The following ASB3 variants were observed in gnomAD, a reference collection of about 807,000 sequenced individuals.
ASB3 encodes ankyrin repeat and SOCS box containing 3.
Under a neutral mutation model 54.5 loss-of-function variants are expected in ASB3, and 41 were observed. The ratio of observed to expected loss-of-function variants is 0.75; its 90% CI spans 0.59 to 0.98. The LOEUF (loss-of-function observed/expected upper bound fraction) is 0.98. Among genes scored for constraint, ASB3 ranks in the 50% least tolerant of loss-of-function variants. The pLI is 0.00. For missense variants in ASB3, 733 were observed against 620.0 expected (o/e 1.18, Z -1.94); for synonymous variants, 266 against 221.2 (o/e 1.20, Z -1.80).
At chr2:53,685,145 C>T (rs1668569944) in intron 9 of ASB3, among the ~76,000 whole-genome samples, 1 of 152,154 alleles carries the variant, frequency 6.6e-6, no homozygotes, top group Non-Finnish European at 1.5e-5. Context: ...CTTTTACATT[C>T]TCTTTTTTAA....
At chr2:53,771,825 C>A in intron 1 of ASB3, 1 of 771,248 alleles carries the variant, frequency 1.3e-6, no homozygotes, top group Non-Finnish European at 2.3e-6. Context: ...TCAAATATTC[C>A]ATGTCAAAAA....
intron 9 of ASB3, 34 bp downstream of exon 9, chr2:53,693,850 T>TACCTA: frequency 6.2e-7 from 1 of 1,602,500 alleles, no homozygotes; most frequent in Non-Finnish European, 8.5e-7. Context: ...GAAGGAAAAG[T>TACCTA]AGTGAAGTGT....
intron 7 of ASB3, among the ~76,000 whole-genome samples, chr2:53,710,275 T>A (rs551329110): frequency 1.3e-5 from 2 of 152,236 alleles, no homozygotes; most frequent in Non-Finnish European, 2.9e-5. Context: ...ATTTACTCTT[T>A]CCTATATCTT....
Position 53,670,292 on chromosome 2 carries a change from ATTTTTTTTTTT to A in ASB3, c.*200_*210del, listed in dbSNP as rs757738523. On this transcript the variant is annotated 3_prime_UTR_variant, in exon 10 of 10. Transcript: ENST00000263634. Reference sequence around the variant, plus strand: ...TAAAGTAATATAAGTGATGTTTACAATTTTTTTTTTTTTTTTTTTTTTTTTTACTGGGAAGG... The same window carrying A: ...TAAAGTAATATAAGTGATGTTTACAATTTTTTTTTTTTTTTACTGGGAAGG... 2.7e-4 allele frequency: 49 copies of A among 178,706 alleles called. No homozygotes were observed. Among genetic ancestry groups the A allele is most frequent in the African/African-American group, 6.3e-4 (21 of 33,078 alleles). 11.1% of individuals were successfully genotyped at this position (178,706 alleles called of 1,614,324 possible).
chr2:53,691,038 G>C (rs912526872), intron 9 of ASB3, among the ~76,000 whole-genome samples: 1 of 152,150 alleles, frequency 6.6e-6, no homozygotes, highest in Non-Finnish European at 1.5e-5. Context: ...TATGTGGTTA[G>C]GCTGATGTTT....
chr2:53,723,522 T>C (rs1371680228), intron 5 of ASB3, among the ~76,000 whole-genome samples: 3 of 152,104 alleles, frequency 2.0e-5, no homozygotes, highest in Admixed American at 1.3e-4. Context: ...GTCATTTTTA[T>C]GCTTCAATGC....
intron 1 of ASB3, among the ~76,000 whole-genome samples, chr2:53,781,484 T>G (rs1320658536): frequency 2.0e-5 from 3 of 151,848 alleles, no homozygotes; most frequent in African/African-American, 4.9e-5. Context: ...TTAACCCCTT[T>G]GAGATTCTTT....
intron 5 of ASB3, among the ~76,000 whole-genome samples, chr2:53,721,638 G>A (rs1343974622): frequency 2.0e-5 from 3 of 151,892 alleles, no homozygotes; most frequent in East Asian, 1.9e-4. Flanking sequence ...AATTATGGCA[G>A]AAATCAAAAA....
At chr2:53,712,769 G>GGC (rs762941607) in intron 7 of ASB3, among the ~76,000 whole-genome samples, 20 of 147,484 alleles carry the variant, frequency 1.4e-4, no homozygotes, top group African/African-American at 4.0e-4. Context: ...CACACACACA[G>GGC]GCGCGCGCGC....
At chr2:53,724,628 T>G (rs1248584380) in intron 5 of ASB3, among the ~76,000 whole-genome samples, 1 of 147,992 alleles carries the variant, frequency 6.8e-6, no homozygotes, top group Non-Finnish European at 1.5e-5. Flanking sequence ...GCAAAAGACA[T>G]GAAAAGATAC....
chr2:53,700,347 G>C lies in ASB3; in HGVS notation c.1162C>G (p.Gln388Glu), dbSNP rs1006414357. ...YEFVNHAIKAQAKYKEWLPHL... is the reference protein window; with the variant it reads ...YEFVNHAIKAEAKYKEWLPHL... ...GGCAACCACTCCTTATATTTTGCTT[G>C]TGCTTTAATTGCATGATTTACAAAT... The change falls in exon 8 of 10, where the codon CAA (glutamine) becomes GAA (glutamate). Residue 388 changes from glutamine (Q) to glutamate (E), a missense_variant. Coordinates refer to ENST00000263634, the MANE Select transcript of ASB3 (RefSeq NM_016115.5). 2 of 1,614,066 alleles carry C rather than the reference G, an allele frequency of 1.2e-6. No individual in the cohort carries two copies. Among genetic ancestry groups the C allele is most frequent in the Non-Finnish European group, 8.5e-7 (1 of 1,180,002 alleles).
chr2:53,767,814 C>A, intron 1 of ASB3: 1 of 1,531,470 alleles, frequency 6.5e-7, no homozygotes, highest in Non-Finnish European at 8.8e-7. Flanking sequence ...ACTCGCTTAC[C>A]GGAGGCTTCA....
At chr2:53,710,036 A>C (rs867624116) in intron 7 of ASB3, among the ~76,000 whole-genome samples, 2 of 152,172 alleles carry the variant, frequency 1.3e-5, no homozygotes, top group Non-Finnish European at 2.9e-5. Flanking sequence ...GTGGAAGTTG[A>C]TCCCCTGGCT....
chr2:53,695,293 A>T (rs1669125256), intron 8 of ASB3, among the ~76,000 whole-genome samples: 1 of 152,200 alleles, frequency 6.6e-6, no homozygotes, highest in Admixed American at 6.5e-5. Flanking sequence ...TCCAATAAGC[A>T]AACATCTAAG....
intron 2 of ASB3, among the ~76,000 whole-genome samples, chr2:53,752,286 G>A (rs952648854): frequency 1.2e-4 from 18 of 152,134 alleles, no homozygotes; most frequent in Admixed American, 6.5e-4. Context: ...GCTAAAATCC[G>A]GGTTCTTGTG....
chr2:53,710,016 G>A (rs1318797842), intron 7 of ASB3, among the ~76,000 whole-genome samples: 1 of 152,210 alleles, frequency 6.6e-6, no homozygotes, highest in Non-Finnish European at 1.5e-5. Context: ...ATCCATGTCA[G>A]TGAGCCTCTG....
At position 53,716,762 on chromosome 2, in the gene ASB3, A is replaced by T. The variant is rs1346576980; in HGVS notation, c.605-19T>A. 6.2e-7 allele frequency: 1 copy of T among 1,600,458 alleles called. No individual in the cohort carries two copies. ...TTTGCACCTAAGGGTACAAAATAAA[A>T]CATTTAACAGATAACCCTAATACTT... On this transcript the variant is annotated intron_variant, in intron 5 of 9. Coordinates refer to ENST00000263634, the MANE Select transcript of ASB3 (RefSeq NM_016115.5).
chr2:53,676,013 A>G (rs192983353), intron 9 of ASB3, among the ~76,000 whole-genome samples: 6 of 152,328 alleles, frequency 3.9e-5, no homozygotes, highest in Admixed American at 2.6e-4. Context: ...TAGGTTGCAT[A>G]GCTATTTATC....
chr2:53,768,127 G>C (rs1673623392), intron 1 of ASB3: 2 of 1,309,246 alleles, frequency 1.5e-6, no homozygotes, highest in African/African-American at 1.5e-5. Context: ...CGCTTCATGG[G>C]GCCAAAGCAC....
Sources: allele counts gnomAD v4.1 joint callset (sites outside exome capture counted in the v4.1 genomes callset), GRCh38; gene constraint gnomAD v4.1.1; transcripts MANE v1.5; gene names NCBI Gene and HGNC (gene_info 2026-07-23, HGNC 2026-07-21).